The following CTDSPL2 variants were observed in gnomAD, a reference collection of about 807,000 sequenced individuals.
The protein encoded by CTDSPL2 is CTD small phosphatase-like protein 2.
Under a neutral mutation model 60.0 loss-of-function variants are expected in CTDSPL2, and 5 were observed. The observed-to-expected ratio is 0.08, with a 90% CI of 0.04 to 0.18. The LOEUF is 0.18. CTDSPL2 is among the 10% of genes least tolerant of loss of function. CTDSPL2 has a pLI of 1.00. For synonymous variants in CTDSPL2, 186 were observed against 189.3 expected (o/e 0.98, Z 0.14); for missense variants, 370 against 548.8 (o/e 0.67, Z 3.26).
intron 1 of CTDSPL2, among the ~76,000 whole-genome samples, chr15:44,428,311 C>T (rs927203426): frequency 4.6e-5 from 7 of 152,090 alleles, no homozygotes; most frequent in African/African-American, 1.7e-4. Context: ...TTTTTCAAAT[C>T]GGGAGTGGTA....
intron 8 of CTDSPL2, among the ~76,000 whole-genome samples, chr15:44,509,043 T>G (rs2081521240): frequency 6.6e-6 from 1 of 152,204 alleles, no homozygotes; most frequent in South Asian, 2.1e-4. Flanking sequence ...TCTATGATAT[T>G]AGATTAAGGT....
intron 1 of CTDSPL2, among the ~76,000 whole-genome samples, chr15:44,442,890 C>A (rs1297226232): frequency 6.6e-6 from 1 of 151,878 alleles, no homozygotes; most frequent in African/African-American, 2.4e-5. Context: ...GTGCGAAGAT[C>A]GCTTGAGCCT....
intron 8 of CTDSPL2, 119 bp downstream of exon 8, chr15:44,499,932 G>A: frequency 3.4e-6 from 2 of 584,072 alleles, no homozygotes; most frequent in East Asian, 5.9e-5. Context: ...AAGTATAATG[G>A]ATTTCATCAA....
chr15:44,428,457 C>G (rs888034840), intron 1 of CTDSPL2, among the ~76,000 whole-genome samples: 2 of 152,120 alleles, frequency 1.3e-5, no homozygotes, highest in Non-Finnish European at 2.9e-5. Flanking sequence ...CATTCTTGAC[C>G]AGAGTTCTGT....
In CTDSPL2 at chr15:44,490,873, A is replaced by G. The variant is rs750206776; in HGVS notation, c.565A>G (p.Thr189Ala). The G allele has an allele frequency of 7.4e-6, 12 of 1,613,794 alleles. No homozygotes were observed. The highest frequency in any genetic ancestry group is 8.5e-6 in the Non-Finnish European group (10 of 1,179,878). The change falls in exon 5 of 13, where the codon ACC (threonine) becomes GCC (alanine). Residue 189 changes from threonine (T) to alanine (A), a missense_variant. This residue lies in a region of CTDSPL2 where 287 missense variants were observed against 296.1 expected (regional missense o/e 0.97). Coordinates refer to ENST00000260327, the MANE Select transcript of CTDSPL2 (RefSeq NM_016396.3). ...TATGGAACAGGTGGATGAGATCACT[A>G]CCAGTACTACTACATCAACTAATGG... Reference protein sequence around the residue: ...LDMEQVDEITTSTTTSTNGAA... With the variant: ...LDMEQVDEITASTTTSTNGAA...
At chr15:44,467,578 A>T (rs965919927) in intron 2 of CTDSPL2, among the ~76,000 whole-genome samples, 1 of 151,430 alleles carries the variant, frequency 6.6e-6, no homozygotes, top group Non-Finnish European at 1.5e-5. Context: ...TTATTTATTT[A>T]TTTTATTTTT....
intron 1 of CTDSPL2, among the ~76,000 whole-genome samples, chr15:44,437,837 GT>G (rs1208378903): frequency 6.6e-6 from 1 of 152,206 alleles, no homozygotes; most frequent in African/African-American, 2.4e-5. Flanking sequence ...TATAGAGGTG[GT>G]TACTTATACA....
At position 44,528,046 on chromosome 15, in the gene CTDSPL2, C is replaced by T. The variant is rs969144883; in HGVS notation, c.*3872C>T. On this transcript the variant is annotated 3_prime_UTR_variant, in exon 13 of 13. Coordinates refer to ENST00000260327, the MANE Select transcript of CTDSPL2 (RefSeq NM_016396.3). The stretch of plus-strand genomic sequence containing the variant: ...AATCCAAGTCTCACTAACTAGGGTA[C>T]ATTTTTATAAAATGTTTCTCTGTAT... 1 of 152,098 alleles carries T rather than the reference C, an allele frequency of 6.6e-6. No homozygotes were observed. Among genetic ancestry groups the T allele is most frequent in the Admixed American group, 6.6e-5 (1 of 15,266 alleles). 9.4% of individuals were successfully genotyped at this position (152,098 alleles called of 1,614,324 possible). A position where few individuals can be genotyped will look rare whatever the true frequency, so the allele number is the denominator to read the frequency against.
intron 2 of CTDSPL2, among the ~76,000 whole-genome samples, chr15:44,477,490 G>A (rs919010707): frequency 9.2e-5 from 14 of 151,844 alleles, no homozygotes; most frequent in Non-Finnish European, 8.8e-5. Flanking sequence ...AGCTAAGATC[G>A]TGCCATTGCA....
At position 44,484,330 on chromosome 15, in the gene CTDSPL2, C is replaced by A. The variant is rs142680502; in HGVS notation, c.293C>A (p.Ser98Tyr). 1 of 1,613,684 alleles carries A rather than the reference C, an allele frequency of 6.2e-7. No individual in the cohort carries two copies. Among genetic ancestry groups the A allele is most frequent in the Non-Finnish European group, 8.5e-7 (1 of 1,179,762 alleles). The change falls in exon 3 of 13, where the codon TCT (serine) becomes TAT (tyrosine). Residue 98 changes from serine to tyrosine, a missense_variant. Transcript: ENST00000260327. Reference sequence around the variant, plus strand: ...GGAGAAAAACCTAACAAACAGATATCTCGAGTAAGACGGAAAAGTCAAGTA... The same window carrying A: ...GGAGAAAAACCTAACAAACAGATATATCGAGTAAGACGGAAAAGTCAAGTA... ...RAGEKPNKQI[S>Y]RVRRKSQVNG... is the part of the protein sequence containing the mutation.
Position 44,528,544 on chromosome 15 carries a change from A to G in CTDSPL2, c.*4370A>G, listed in dbSNP as rs1020162675. On this transcript the variant is annotated 3_prime_UTR_variant, in exon 13 of 13. Transcript: ENST00000260327. ...TTTAAACTGGGACCAGATTTCACAG[A>G]GCTTATTCAAGATACATGGAGGAAT... 6.6e-6 allele frequency: 1 copy of G among 151,732 alleles called. No homozygotes were observed. Among genetic ancestry groups the G allele is most frequent in the Non-Finnish European group, 1.5e-5 (1 of 67,970 alleles). 9.4% of individuals were successfully genotyped at this position (151,732 alleles called of 1,614,324 possible).
chr15:44,470,785 T>A (rs920600451), intron 2 of CTDSPL2, among the ~76,000 whole-genome samples: 7 of 152,166 alleles, frequency 4.6e-5, no homozygotes, highest in African/African-American at 1.4e-4. Context: ...TTTAATGTAA[T>A]TATTAATATG....
At chr15:44,466,666 C>T (rs557518918) in intron 2 of CTDSPL2, among the ~76,000 whole-genome samples, 12 of 151,996 alleles carry the variant, frequency 7.9e-5, no homozygotes, top group Middle Eastern at 3.4e-3. Context: ...ACTGATTGGC[C>T]GGGCGCGGTG....
intron 4 of CTDSPL2, among the ~76,000 whole-genome samples, chr15:44,487,771 GTTTGT>G (rs1380696845): frequency 1.3e-5 from 2 of 152,276 alleles, no homozygotes; most frequent in East Asian, 1.9e-4. Context: ...ATAATTGAAA[GTTTGT>G]TTTGTTTTGT....
chr15:44,466,869 A>C (rs934390749), intron 2 of CTDSPL2, among the ~76,000 whole-genome samples: 1 of 151,958 alleles, frequency 6.6e-6, no homozygotes, highest in Non-Finnish European at 1.5e-5. Context: ...AACCTGGGAG[A>C]TGGAGCTTGC....
chr15:44,483,793 C>T (rs1477833636), intron 2 of CTDSPL2, among the ~76,000 whole-genome samples: 1 of 152,038 alleles, frequency 6.6e-6, no homozygotes, highest in African/African-American at 2.4e-5. Context: ...CACCTTTATC[C>T]CCACCCTCTA....
At chr15:44,448,475 C>A in intron 1 of CTDSPL2, 1 of 250,398 alleles carries the variant, frequency 4.0e-6, no homozygotes. Context: ...GGGCCTCATC[C>A]TCTCGATTTT....
intron 2 of CTDSPL2, among the ~76,000 whole-genome samples, chr15:44,469,819 C>T (rs1016366379): frequency 1.3e-5 from 2 of 152,004 alleles, no homozygotes; most frequent in Non-Finnish European, 2.9e-5. Flanking sequence ...GAATGGTGGC[C>T]GGGCGCGGTG....
chr15:44,452,965 G>A (rs937638809), intron 1 of CTDSPL2, among the ~76,000 whole-genome samples: 41 of 152,120 alleles, frequency 2.7e-4, no homozygotes, highest in African/African-American at 9.9e-4. Flanking sequence ...CGACCAGTTT[G>A]CTCCTTGCCT....
Sources: gnomAD v4.1 joint callset for allele counts (sites outside exome capture counted in the v4.1 genomes callset) on GRCh38, gnomAD v4.1.1 for gene constraint, gnomAD v4.1.1 regional missense constraint, MANE v1.5 for transcripts, NCBI Gene and HGNC (gene_info 2026-07-23, HGNC 2026-07-21) for gene names.